Variants in CSMD1 observed in about 807,000 individuals in gnomAD.
CSMD1 encodes CUB and Sushi multiple domains 1, also known as CUB and sushi domain-containing protein 1.
A neutral mutation model predicts 417.5 loss-of-function variants in CSMD1; 213 were observed. That is an observed-to-expected ratio of 0.51 (90% CI 0.46 to 0.57). CSMD1 has a LOEUF of 0.57. Ranked by LOEUF, CSMD1 falls within the 20% of genes least tolerant of loss-of-function variation. CSMD1 has a pLI of 0.00. For synonymous variants in CSMD1, 2,862 were observed against 1,736.8 expected, an observed-to-expected ratio of 1.65 and a Z score of -16.11; for missense variants, 6,923 against 4,529.7, an observed-to-expected ratio of 1.53 and a Z score of -15.17.
intron 1 of CSMD1, among the ~76,000 whole-genome samples, chr8:4,777,841 C>G (rs1796944826): frequency 6.6e-6 from 1 of 152,208 alleles, no homozygotes; most frequent in South Asian, 2.1e-4. Context: ...CAAATCTCAA[C>G]TAACGGCAAC....
intron 33 of CSMD1, among the ~76,000 whole-genome samples, chr8:3,192,109 C>T (rs760767860): frequency 2.6e-5 from 4 of 152,074 alleles, no homozygotes; most frequent in Non-Finnish European, 5.9e-5. Flanking sequence ...TTTGATTAAA[C>T]GATGTTTCAA....
At chr8:4,748,903 A>C (rs1811130026) in intron 1 of CSMD1, among the ~76,000 whole-genome samples, 2 of 152,202 alleles carry the variant, frequency 1.3e-5, no homozygotes, top group African/African-American at 4.8e-5. Flanking sequence ...TGTTACTCTG[A>C]AGGTTCTCTG....
intron 2 of CSMD1, among the ~76,000 whole-genome samples, chr8:4,622,115 C>T (rs1319319726): frequency 6.8e-6 from 1 of 146,716 alleles, no homozygotes; most frequent in Non-Finnish European, 1.5e-5. Flanking sequence ...CAGGGAAATT[C>T]AGTATGAAGA....
At position 4,467,215 on chromosome 8, in the gene CSMD1, G is replaced by T. The variant is rs961287341; in HGVS notation, c.303-47150C>A. Reference sequence around the variant, plus strand: ...TCAAAGTCCTTAACAGTTTCCTTGTGTCTGCACAAAGCTCCCAGGGACACA... The same window carrying T: ...TCAAAGTCCTTAACAGTTTCCTTGTTTCTGCACAAAGCTCCCAGGGACACA... On this transcript the variant is annotated intron_variant, in intron 2 of 69. Coordinates refer to ENST00000635120, the MANE Select transcript of CSMD1 (RefSeq NM_033225.6). Among the ~76,000 whole-genome samples, 3 of 151,464 alleles carry T rather than the reference G, an allele frequency of 2.0e-5. No individual in the cohort carries two copies. In the East Asian group the frequency reaches 5.8e-4, roughly 29 times the overall value.
intron 7 of CSMD1, among the ~76,000 whole-genome samples, chr8:3,691,715 G>A (rs945842577): frequency 3.9e-5 from 6 of 151,930 alleles, no homozygotes; most frequent in Non-Finnish European, 7.4e-5. Flanking sequence ...ACCCTATAAG[G>A]TAAATATTAT....
At chr8:4,178,596 G>A (rs1291185311) in intron 3 of CSMD1, among the ~76,000 whole-genome samples, 1 of 151,620 alleles carries the variant, frequency 6.6e-6, no homozygotes, top group Non-Finnish European at 1.5e-5. Flanking sequence ...TTAGGCAGGA[G>A]AAGGAAATAA....
chr8:3,802,047 T>A (rs73658281), intron 5 of CSMD1, among the ~76,000 whole-genome samples: 2 of 152,156 alleles, frequency 1.3e-5, no homozygotes, highest in Non-Finnish European at 2.9e-5. Context: ...CAAAAATTCA[T>A]GGAATTGCAC....
intron 3 of CSMD1, among the ~76,000 whole-genome samples, chr8:4,367,878 C>T (rs77004502): frequency 5.9e-5 from 9 of 152,224 alleles, no homozygotes; most frequent in Non-Finnish European, 1.0e-4. Context: ...TATAGAAATG[C>T]TACTAATTTT....
At chr8:4,063,107 G>C (rs960794674) in intron 3 of CSMD1, among the ~76,000 whole-genome samples, 8 of 152,086 alleles carry the variant, frequency 5.3e-5, no homozygotes, top group African/African-American at 1.9e-4. Context: ...ACTGTAAGTT[G>C]ACTATAGCTA....
intron 15 of CSMD1, among the ~76,000 whole-genome samples, chr8:3,402,813 G>T (rs1045423420): frequency 2.0e-5 from 3 of 151,582 alleles, no homozygotes; most frequent in Admixed American, 2.0e-4. Context: ...TTTATTAATA[G>T]GATCCTAATT....
rs1554485114 is a variant in CSMD1, at chr8:4,456,985, T to TAA, written c.303-36922_303-36921dup. Among the ~76,000 whole-genome samples the TAA allele has an allele frequency of 1.1e-3, 146 of 138,802 alleles. 1 individual carries two copies. The highest frequency in any genetic ancestry group is 3.6e-3 in the African/African-American group (133 of 37,274). The allele number at this position is 138,802 out of a possible 152,430, so 91.1% of individuals were successfully genotyped here. On this transcript the variant is annotated intron_variant, in intron 2 of 69. Transcript: ENST00000635120. ...GATTTTGATGAGTGTGGTTTTTTTT[T>TAA]AAAAAAAAAAAAAACAACAAGAAAA...
chr8:3,439,743 T>C (rs576182200), intron 12 of CSMD1, among the ~76,000 whole-genome samples: 2 of 152,298 alleles, frequency 1.3e-5, no homozygotes, highest in African/African-American at 4.8e-5. Flanking sequence ...TAGTCTCAGA[T>C]TGCAAATATT....
chr8:4,231,137 G>A (rs565515527), intron 3 of CSMD1, among the ~76,000 whole-genome samples: 30 of 152,224 alleles, frequency 2.0e-4, no homozygotes, highest in African/African-American at 4.3e-4. Context: ...AGAGTATTAC[G>A]AAAACTAACA....
intron 7 of CSMD1, among the ~76,000 whole-genome samples, chr8:3,662,678 T>C (rs1315646206): frequency 6.6e-6 from 1 of 152,194 alleles, no homozygotes; most frequent in East Asian, 1.9e-4. Flanking sequence ...AATCAGTTCA[T>C]GTCCTTTGCA....
chr8:4,838,221 T>C (rs1800616697), intron 1 of CSMD1, among the ~76,000 whole-genome samples: 2 of 152,212 alleles, frequency 1.3e-5, no homozygotes, highest in South Asian at 4.1e-4. Context: ...GAGATCTCCT[T>C]AGGGTTTCGT....
intron 1 of CSMD1, among the ~76,000 whole-genome samples, chr8:4,724,635 A>C (rs2116925734): frequency 6.6e-6 from 1 of 152,158 alleles, no homozygotes; most frequent in Non-Finnish European, 1.5e-5. Flanking sequence ...TGGAAAAAAT[A>C]AATGTAAGTT....
chr8:3,780,953 A>G (rs947741594), intron 5 of CSMD1, among the ~76,000 whole-genome samples: 1 of 152,198 alleles, frequency 6.6e-6, no homozygotes, highest in African/African-American at 2.4e-5. Flanking sequence ...ATAAAGCTCT[A>G]AAGATATCTG....
At chr8:4,062,915 C>A (rs200594082) in intron 3 of CSMD1, among the ~76,000 whole-genome samples, 23 of 147,502 alleles carry the variant, frequency 1.6e-4, no homozygotes, top group East Asian at 4.0e-4. Flanking sequence ...CTGATCATTG[C>A]AAAAAAAAAA....
intron 1 of CSMD1, among the ~76,000 whole-genome samples, chr8:4,944,273 T>C (rs1808219655): frequency 6.6e-6 from 1 of 152,200 alleles, no homozygotes; most frequent in Non-Finnish European, 1.5e-5. Context: ...GAGGATTCTA[T>C]ACTGTGAGTA....
Sources: gnomAD v4.1 joint callset for allele counts (sites outside exome capture counted in the v4.1 genomes callset) on GRCh38, gnomAD v4.1.1 for gene constraint, MANE v1.5 for transcripts, NCBI Gene and HGNC (gene_info 2026-07-23, HGNC 2026-07-21) for gene names.